Variants in CORIN observed in about 807,000 individuals in gnomAD.
CORIN encodes atrial natriuretic peptide-converting enzyme.
Under a neutral mutation model 125.3 loss-of-function variants are expected in CORIN, and 117 were observed. The ratio of observed to expected loss-of-function variants is 0.93; its 90% CI spans 0.80 to 1.09. CORIN has a LOEUF of 1.09. Ranked by LOEUF, CORIN falls within the 50% of genes least tolerant of loss-of-function variation. The pLI is 0.00. For synonymous variants in CORIN, 450 were observed against 466.4 expected, an observed-to-expected ratio of 0.96 and a Z score of 0.45; for missense variants, 1,253 against 1,306.7, an observed-to-expected ratio of 0.96 and a Z score of 0.63.
At chr4:47,761,023 C>T (rs147603988) in intron 4 of CORIN, among the ~76,000 whole-genome samples, 2 of 152,338 alleles carry the variant, frequency 1.3e-5, no homozygotes, top group African/African-American at 4.8e-5. Flanking sequence ...CTAGATTAGG[C>T]TTTGGCTTAA....
At chr4:47,642,793 TA>T in intron 15 of CORIN, 1 of 1,408,238 alleles carries the variant, frequency 7.1e-7, no homozygotes. Flanking sequence ...TTGACTATTC[TA>T]TTCTAGCAGG....
At chr4:47,735,506 C>T (rs544670716) in intron 5 of CORIN, among the ~76,000 whole-genome samples, 39 of 152,120 alleles carry the variant, frequency 2.6e-4, no homozygotes, top group Non-Finnish European at 4.7e-4. Flanking sequence ...ATAAATGTTT[C>T]ATCAATCTTT....
chr4:47,825,501 A>G (rs1443862202), intron 1 of CORIN, among the ~76,000 whole-genome samples: 3 of 152,226 alleles, frequency 2.0e-5, no homozygotes, highest in South Asian at 2.1e-4. Flanking sequence ...CATGCACACT[A>G]AAGTTCTAGG....
chr4:47,662,001 G>T, intron 11 of CORIN, 145 bp from the exon 12 acceptor site: 1 of 749,298 alleles, frequency 1.3e-6, no homozygotes, highest in Non-Finnish European at 2.0e-6. Flanking sequence ...ATATATGATA[G>T]GTATTTGGGA....
chr4:47,680,025 T>C, intron 8 of CORIN, 116 bp downstream of exon 8: 1 of 633,834 alleles, frequency 1.6e-6, no homozygotes, highest in East Asian at 2.9e-5. Context: ...CATAAGAATC[T>C]TTCCCTTGGA....
intron 2 of CORIN, among the ~76,000 whole-genome samples, chr4:47,802,046 C>T (rs1731567437): frequency 6.6e-6 from 1 of 152,198 alleles, no homozygotes; most frequent in South Asian, 2.1e-4. Context: ...GAACTCAGTG[C>T]TGATCTGTCA....
intron 5 of CORIN, among the ~76,000 whole-genome samples, chr4:47,703,984 T>C (rs1317653723): frequency 6.6e-6 from 1 of 152,162 alleles, no homozygotes; most frequent in East Asian, 1.9e-4. Flanking sequence ...CTTTGGCTCA[T>C]AAACAGAAAA....
At chr4:47,729,289 A>G (rs982809955) in intron 5 of CORIN, among the ~76,000 whole-genome samples, 2 of 152,244 alleles carry the variant, frequency 1.3e-5, no homozygotes, top group Non-Finnish European at 2.9e-5. Context: ...AAGTTTCTTC[A>G]TAAGAATTCT....
At chr4:47,685,877 C>A (rs1163978752) in intron 6 of CORIN, among the ~76,000 whole-genome samples, 1 of 150,576 alleles carries the variant, frequency 6.6e-6, no homozygotes, top group Non-Finnish European at 1.5e-5. Context: ...ATAGCAAGAA[C>A]AAAGGAAAGA....
chr4:47,715,613 G>T (rs770704664), intron 5 of CORIN, among the ~76,000 whole-genome samples: 1 of 152,030 alleles, frequency 6.6e-6, no homozygotes, highest in Non-Finnish European at 1.5e-5. Flanking sequence ...AAAAAAGGGG[G>T]GGAGCATGAT....
chr4:47,661,988 C>T, intron 11 of CORIN, 132 bp from the exon 12 acceptor site: 2 of 825,734 alleles, frequency 2.4e-6, no homozygotes, highest in South Asian at 5.5e-5. Flanking sequence ...AAAAGATGCA[C>T]ATATATATGA....
intron 8 of CORIN, 25 bp from the exon 9 acceptor site, chr4:47,678,079 A>C: frequency 6.8e-7 from 1 of 1,472,572 alleles, no homozygotes; most frequent in Non-Finnish European, 9.5e-7. Context: ...AACAATATTC[A>C]CTTTATTTAT....
At chr4:47,731,345 G>GA (rs1274672976) in intron 5 of CORIN, among the ~76,000 whole-genome samples, 2 of 152,118 alleles carry the variant, frequency 1.3e-5, no homozygotes, top group African/African-American at 4.8e-5. Context: ...TCAGAGGAGG[G>GA]ATGTGGGCTA....
Position 47,661,774 on chromosome 4 carries a change from T to A in CORIN, c.1672A>T (p.Ser558Cys). The A allele has an allele frequency of 6.2e-7, 1 of 1,613,784 alleles. No individual in the cohort carries two copies. Among genetic ancestry groups the A allele is most frequent in the South Asian group, 1.1e-5 (1 of 90,990 alleles). Residue 558 changes from serine (S) to cysteine (C), a missense_variant, in exon 12 of 22, where the codon AGT (serine) becomes TGT (cysteine). Ser to Cys is a moderately radical substitution (Grantham distance 112). Coordinates refer to ENST00000273857, the MANE Select transcript of CORIN (RefSeq NM_006587.4). ...GLQWPEDTDC[S>C]QFPEENSDNQ... is the part of the protein sequence containing the mutation. ...TCTGAATTTTCCTCTGGAAATTGAC[T>A]GCAATCTGTGTCTTCAGGCCACTGT...
intron 18 of CORIN, 63 bp from the exon 19 acceptor site, chr4:47,623,808 T>TA: frequency 6.2e-7 from 1 of 1,610,322 alleles, no homozygotes; most frequent in Admixed American, 1.7e-5. Context: ...TGCTTAGCTC[T>TA]TTGCTGTCAC....
At chr4:47,744,183 G>A (rs984954062) in intron 5 of CORIN, among the ~76,000 whole-genome samples, 1 of 152,138 alleles carries the variant, frequency 6.6e-6, no homozygotes, top group Admixed American at 6.5e-5. Context: ...TAAGGATAGA[G>A]GTTTCTTTTG....
rs747835721 is a variant in CORIN, at chr4:47,822,515, T to TA, written c.63+15371dup. Among the ~76,000 whole-genome samples, 10 of 152,220 alleles carry TA rather than the reference T, an allele frequency of 6.6e-5. No individual in the cohort carries two copies. The East Asian group carries it at 1.5e-3, about 23-fold the overall frequency. On this transcript the variant is annotated intron_variant, in intron 1 of 21. Coordinates refer to ENST00000273857, the MANE Select transcript of CORIN (RefSeq NM_006587.4). ...ATTACATTTGGTTTTCACGTCTCTTTAGTCTTCTTCAGTCTTCTCTTATCT... is the reference window on the plus strand; with the variant it reads ...ATTACATTTGGTTTTCACGTCTCTTTAAGTCTTCTTCAGTCTTCTCTTATCT...
At chr4:47,636,579 C>CT in intron 16 of CORIN, among the ~76,000 whole-genome samples, 1 of 152,078 alleles carries the variant, frequency 6.6e-6, no homozygotes, top group Non-Finnish European at 1.5e-5. Flanking sequence ...GGGGGTGGGT[C>CT]TTCCTGTGCT....
At chr4:47,828,933 C>T (rs1000499590) in intron 1 of CORIN, among the ~76,000 whole-genome samples, 9 of 151,820 alleles carry the variant, frequency 5.9e-5, no homozygotes, top group Non-Finnish European at 1.0e-4. Context: ...CCGAGGCGGA[C>T]GGATCACGAG....
Sources: gnomAD v4.1 joint callset for allele counts (sites outside exome capture counted in the v4.1 genomes callset) on GRCh38, gnomAD v4.1.1 for gene constraint, MANE v1.5 for transcripts, NCBI Gene and HGNC (gene_info 2026-07-23, HGNC 2026-07-21) for gene names.